The following HYCC1 variants were observed in gnomAD, a reference collection of about 807,000 sequenced individuals.
The protein encoded by HYCC1 is hyccin PI4KA lipid kinase complex subunit 1.
At chr7:22,943,350 A>G in the HYCC1 span, 2 of 152,160 alleles carry the variant, frequency 1.3e-5, no homozygotes, top group African/African-American at 2.4e-5. Flanking sequence ...GCACTCTGAT[A>G]CTTTCTTCTC....
chr7:22,947,614 A>G, the HYCC1 span, among the ~76,000 whole-genome samples: 53 of 152,210 alleles, frequency 3.5e-4, no homozygotes, highest in African/African-American at 1.0e-3. Flanking sequence ...TTAAGATAAT[A>G]TGGTGACCAC....
At chr7:22,947,353 G>T in the HYCC1 span, 1 of 838,710 alleles carries the variant, frequency 1.2e-6, no homozygotes, top group Non-Finnish European at 1.8e-6. Context: ...TGAATGTTAT[G>T]AATTAAGCCA....
the HYCC1 span, among the ~76,000 whole-genome samples, chr7:22,913,844 C>T: frequency 6.6e-6 from 1 of 152,214 alleles, no homozygotes; most frequent in Non-Finnish European, 1.5e-5. Flanking sequence ...GTGCCAAAGA[C>T]CCAGGACAGG....
chr7:22,917,175 C>T, the HYCC1 span, among the ~76,000 whole-genome samples: 1 of 152,168 alleles, frequency 6.6e-6, no homozygotes, highest in Non-Finnish European at 1.5e-5. Flanking sequence ...TCATCGGTCA[C>T]TCCCACTTAC....
chr7:22,920,772 C>G, the HYCC1 span, among the ~76,000 whole-genome samples: 1 of 152,118 alleles, frequency 6.6e-6, no homozygotes, highest in South Asian at 2.1e-4. Flanking sequence ...GTGTCCCCTA[C>G]AAATCTCGTG....
the HYCC1 span, among the ~76,000 whole-genome samples, chr7:22,996,638 C>T: frequency 6.8e-6 from 1 of 146,948 alleles, no homozygotes; most frequent in East Asian, 2.0e-4. Context: ...TTTCCATTAG[C>T]CCTGGGCTTC....
the HYCC1 span, among the ~76,000 whole-genome samples, chr7:22,992,060 G>A: frequency 6.6e-6 from 1 of 151,846 alleles, no homozygotes; most frequent in Admixed American, 6.6e-5. Flanking sequence ...TTATTGTGAG[G>A]AGTACATTTT....
At chr7:22,976,533 A>G in the HYCC1 span, among the ~76,000 whole-genome samples, 1 of 152,248 alleles carries the variant, frequency 6.6e-6, no homozygotes, top group Admixed American at 6.5e-5. Context: ...GAAGCAAAGC[A>G]CAGTGACAAA....
chr7:22,936,852 C>G, the HYCC1 span: 1 of 152,170 alleles, frequency 6.6e-6, no homozygotes, highest in African/African-American at 2.4e-5. Flanking sequence ...GCTTGTATAA[C>G]CAGTCTCAAT....
the HYCC1 span, chr7:22,946,810 G>T: frequency 1.5e-6 from 1 of 662,868 alleles, no homozygotes; most frequent in Non-Finnish European, 2.5e-6. Flanking sequence ...AGACGATAAA[G>T]GTATAATCAT....
At chr7:22,997,650 A>G in the HYCC1 span, among the ~76,000 whole-genome samples, 3 of 152,176 alleles carry the variant, frequency 2.0e-5, no homozygotes, top group Non-Finnish European at 4.4e-5. Flanking sequence ...GGAGGACAGT[A>G]TATGTGCTGT....
chr7:23,011,363 A>G, the HYCC1 span, among the ~76,000 whole-genome samples: 4 of 152,016 alleles, frequency 2.6e-5, no homozygotes, highest in Admixed American at 2.6e-4. Context: ...CTGAAGTTCC[A>G]CTGCTTCCTC....
chr7:22,951,786 T>G, the HYCC1 span, among the ~76,000 whole-genome samples: 1 of 151,906 alleles, frequency 6.6e-6, no homozygotes, highest in Non-Finnish European at 1.5e-5. Flanking sequence ...AAAATAACTG[T>G]ATTTACTAGG....
the HYCC1 span, chr7:22,936,502 C>T: frequency 6.6e-6 from 1 of 152,256 alleles, no homozygotes; most frequent in East Asian, 1.9e-4. Context: ...TTATTTAGCA[C>T]CTCCTTCACC....
At chr7:22,984,532 C>T in the HYCC1 span, among the ~76,000 whole-genome samples, 2 of 151,852 alleles carry the variant, frequency 1.3e-5, no homozygotes, top group Non-Finnish European at 2.9e-5. Flanking sequence ...CCAGCCTGGG[C>T]AATATAGTGA....
At chr7:22,985,413 T>C in the HYCC1 span, 4 of 152,282 alleles carry the variant, frequency 2.6e-5, no homozygotes, top group Middle Eastern at 3.4e-3. Context: ...GAACATATTA[T>C]AGATAAACAA....
chr7:22,931,544 C>T, the HYCC1 span, among the ~76,000 whole-genome samples: 1 of 152,194 alleles, frequency 6.6e-6, no homozygotes, highest in South Asian at 2.1e-4. Flanking sequence ...TTTTGAGATA[C>T]ATGATAGAAA....
At chr7:22,947,481 G>A in the HYCC1 span, among the ~76,000 whole-genome samples, 26 of 152,062 alleles carry the variant, frequency 1.7e-4, no homozygotes, top group Middle Eastern at 3.4e-3. Context: ...ATCAATTCAC[G>A]TTCTGCATTT....
chr7:23,006,784 A>G, the HYCC1 span, among the ~76,000 whole-genome samples: 1 of 152,126 alleles, frequency 6.6e-6, no homozygotes, highest in Non-Finnish European at 1.5e-5. Flanking sequence ...CTATGAAAAG[A>G]CTCTTTGTTC....
Sources: gnomAD v4.1 joint callset for allele counts (sites outside exome capture counted in the v4.1 genomes callset) on GRCh38, gnomAD v4.1.1 for gene constraint, MANE v1.5 for transcripts, NCBI Gene and HGNC (gene_info 2026-07-23, HGNC 2026-07-21) for gene names.